Variants in MEF2C observed in about 807,000 individuals in gnomAD.
MEF2C encodes the protein myocyte enhancer factor 2C.
In MEF2C, 6 loss-of-function variants were observed where a neutral mutation model predicts 50.5. The ratio of observed to expected loss-of-function variants is 0.12; its 90% CI spans 0.07 to 0.23. The LOEUF is 0.23. Ranked by LOEUF, MEF2C falls within the 10% of genes least tolerant of loss-of-function variation. The pLI, the probability that MEF2C is intolerant of heterozygous loss-of-function variation, is 1.00. For synonymous variants in MEF2C, 183 were observed against 228.0 expected (o/e 0.80, Z 1.78); for missense variants, 276 against 605.0 (o/e 0.46, Z 5.70).
Position 88,721,399 on chromosome 5 carries a change from A to G in MEF2C, c.*1205T>C, listed in dbSNP as rs1756307538. On this transcript the variant is annotated 3_prime_UTR_variant, in exon 11 of 11. Transcript: ENST00000504921. Reference sequence around the variant, plus strand: ...ATAGATTGCTAATGTATTAAAAACAATTTAGGGTGTTGCAATGTGATATGT... The same window carrying G: ...ATAGATTGCTAATGTATTAAAAACAGTTTAGGGTGTTGCAATGTGATATGT... 3 of 152,652 alleles carry G rather than the reference A, an allele frequency of 2.0e-5. No homozygotes were observed. Among genetic ancestry groups the G allele is most frequent in the Admixed American group, 6.5e-5 (1 of 15,278 alleles). 9.5% of individuals were successfully genotyped at this position (152,652 alleles called of 1,614,324 possible). A position where few individuals can be genotyped will look rare whatever the true frequency, so the allele number is the denominator to read the frequency against.
rs182747859 is a variant in MEF2C at position 88,799,839 on chromosome 5, G to T, written c.258+4759C>A. On this transcript the variant is annotated intron_variant, in intron 3 of 10. Transcript: ENST00000504921. ...TCTCATCTTCTCTCCATCTCCCTAT[G>T]TCCCTTTCCTTCTCTCTCTCTCTCT... Among the ~76,000 whole-genome samples, 309 of 141,458 alleles carry T rather than the reference G, an allele frequency of 2.2e-3. 1 individual carries two copies. Among genetic ancestry groups the T allele is most frequent in the African/African-American group, 8.0e-3 (299 of 37,538 alleles). The allele number at this position is 141,458 out of a possible 152,430, so 92.8% of individuals were successfully genotyped here.
intron 1 of MEF2C, among the ~76,000 whole-genome samples, chr5:88,871,245 A>G (rs968825382): frequency 6.6e-6 from 1 of 152,064 alleles, no homozygotes. Context: ...TCCAGTAATC[A>G]TAACCCTGGA....
chr5:88,809,379 C>T (rs376981452), intron 2 of MEF2C, among the ~76,000 whole-genome samples: 3 of 152,040 alleles, frequency 2.0e-5, no homozygotes, highest in Admixed American at 6.6e-5. Context: ...GAGCATTTTC[C>T]GCATGTCAAA....
intron 6 of MEF2C, chr5:88,744,077 G>A (rs1051360332): frequency 1.0e-6 from 1 of 982,150 alleles, no homozygotes; most frequent in Non-Finnish European, 1.2e-6. Context: ...GAGCATACTG[G>A]TCCTTTCTAC....
intron 2 of MEF2C, among the ~76,000 whole-genome samples, chr5:88,813,779 T>A (rs1451747062): frequency 6.6e-6 from 1 of 152,140 alleles, no homozygotes; most frequent in Admixed American, 6.6e-5. Context: ...TTTTCACCAT[T>A]CTTTAACTCA....
chr5:88,777,471 G>A (rs1434173617), intron 3 of MEF2C, among the ~76,000 whole-genome samples: 5 of 152,128 alleles, frequency 3.3e-5, no homozygotes, highest in African/African-American at 9.7e-5. Flanking sequence ...TTAGTGAGTG[G>A]TGGAACCAAG....
intron 1 of MEF2C, among the ~76,000 whole-genome samples, chr5:88,871,988 T>G (rs776705003): frequency 6.6e-6 from 1 of 152,046 alleles, no homozygotes; most frequent in Non-Finnish European, 1.5e-5. Flanking sequence ...AAAATACAAT[T>G]CATTCATTTA....
chr5:88,727,880 G>A (rs1248207105), intron 10 of MEF2C, among the ~76,000 whole-genome samples: 1 of 151,928 alleles, frequency 6.6e-6, no homozygotes, highest in Non-Finnish European at 1.5e-5. Flanking sequence ...CTATGATAAA[G>A]ACATATCTGA....
chr5:88,828,206 T>C (rs548610857), intron 1 of MEF2C, among the ~76,000 whole-genome samples: 1 of 152,122 alleles, frequency 6.6e-6, no homozygotes, highest in Non-Finnish European at 1.5e-5. Flanking sequence ...CCTTCAGTTA[T>C]GTGTTTTGAT....
chr5:88,808,199 T>A (rs1206840395), intron 2 of MEF2C, among the ~76,000 whole-genome samples: 1 of 152,214 alleles, frequency 6.6e-6, no homozygotes, highest in African/African-American at 2.4e-5. Flanking sequence ...AATTTTGATA[T>A]GAAAATGTAC....
chr5:88,761,937 T>C (rs1428146490), intron 3 of MEF2C: 1 of 152,294 alleles, frequency 6.6e-6, no homozygotes, highest in Non-Finnish European at 1.5e-5. Context: ...GTTAGGGTTC[T>C]ATATATGTGA....
chr5:88,881,068 A>G (rs1832683899), intron 1 of MEF2C: 2 of 152,172 alleles, frequency 1.3e-5, no homozygotes. Flanking sequence ...TTATATTAAT[A>G]AAAATAGTAG....
chr5:88,779,717 A>C (rs1295251876), intron 3 of MEF2C, among the ~76,000 whole-genome samples: 1 of 151,656 alleles, frequency 6.6e-6, no homozygotes, highest in Admixed American at 6.6e-5. Context: ...TTCCCCCAGA[A>C]AGTAATATTT....
At chr5:88,836,254 A>G (rs1815058623) in intron 1 of MEF2C, among the ~76,000 whole-genome samples, 1 of 152,094 alleles carries the variant, frequency 6.6e-6, no homozygotes. Flanking sequence ...TGGTATAGAT[A>G]TTATAACAAA....
intron 6 of MEF2C, chr5:88,737,339 T>C: frequency 1.0e-6 from 1 of 985,412 alleles, no homozygotes; most frequent in Non-Finnish European, 1.2e-6. Context: ...TAAATTTGTT[T>C]ATAGAGAGTT....
rs1372091410 is a variant in MEF2C, at chr5:88,750,894, G to A, written c.589+963C>T. Reference sequence around the variant, plus strand: ...TCCATGAATAAACTATTTTCATACAGCTATGTGTATGTAGGATACATTAAA... The same window carrying A: ...TCCATGAATAAACTATTTTCATACAACTATGTGTATGTAGGATACATTAAA... On this transcript the variant is annotated intron_variant, in intron 5 of 10. Coordinates refer to ENST00000504921, the MANE Select transcript of MEF2C (RefSeq NM_002397.5). Among the ~76,000 whole-genome samples the A allele has an allele frequency of 2.6e-5, 4 of 152,094 alleles. No homozygotes were observed. In the East Asian group the frequency reaches 7.7e-4, roughly 29 times the overall value.
intron 1 of MEF2C, chr5:88,824,357 A>G (rs1350796374): frequency 1.3e-5 from 13 of 984,964 alleles, no homozygotes; most frequent in Non-Finnish European, 1.3e-5. Flanking sequence ...AGGGAAAACA[A>G]TCTCCTGTTT....
intron 6 of MEF2C, chr5:88,734,565 GTTT>G (rs66505441): frequency 1.8e-3 from 963 of 540,494 alleles, no homozygotes; most frequent in Middle Eastern, 5.8e-3. Context: ...AGAAAAGTTT[GTTT>G]TTTTTTTTTT....
chr5:88,864,196 T>A (rs1335096329), intron 1 of MEF2C, among the ~76,000 whole-genome samples: 2 of 151,808 alleles, frequency 1.3e-5, no homozygotes, highest in African/African-American at 4.8e-5. Flanking sequence ...GTATTCAATG[T>A]TCTCCACACA....
Sources: gnomAD v4.1 joint callset for allele counts (sites outside exome capture counted in the v4.1 genomes callset) on GRCh38, gnomAD v4.1.1 for gene constraint, MANE v1.5 for transcripts, NCBI Gene and HGNC (gene_info 2026-07-23, HGNC 2026-07-21) for gene names.